The following AMBRA1 variants were observed in gnomAD, a reference collection of about 807,000 sequenced individuals.
AMBRA1 encodes the protein activating molecule in BECN1-regulated autophagy protein 1.
In AMBRA1, 47 loss-of-function variants were observed where a neutral mutation model predicts 125.4. That is an observed-to-expected ratio of 0.37 (90% CI 0.30 to 0.48). AMBRA1 has a LOEUF of 0.48. Among genes scored for constraint, AMBRA1 ranks in the 20% least tolerant of loss-of-function variants. The probability of loss-of-function intolerance (pLI) is 0.99; values close to 1 mark genes in which losing one functional copy is unlikely to be tolerated. For missense variants in AMBRA1, 1,331 were observed against 1,693.4 expected (o/e 0.79, Z 3.76); for synonymous variants, 626 against 655.5 (o/e 0.95, Z 0.69).
rs566160692 is a variant in AMBRA1, at chr11:46,485,234, G to A, written c.2521+8374C>T. On this transcript the variant is annotated intron_variant, in intron 11 of 17. Transcript: ENST00000683756. ...ATTACAGGCGTGAGCCCCTATGCCCGGCCTCAAGAAGCCCAAACTCTTAAA... is the reference window on the plus strand; with the variant it reads ...ATTACAGGCGTGAGCCCCTATGCCCAGCCTCAAGAAGCCCAAACTCTTAAA... Among the ~76,000 whole-genome samples the A allele has an allele frequency of 2.0e-5, 3 of 152,298 alleles. No individual in the cohort carries two copies. The South Asian group carries it at 6.2e-4, about 32-fold the overall frequency.
intron 1 of AMBRA1, among the ~76,000 whole-genome samples, chr11:46,569,762 CCAACATGGCTGGT>C (rs1158346290): frequency 1.3e-5 from 2 of 149,684 alleles, no homozygotes; most frequent in African/African-American, 4.9e-5. Flanking sequence ...AAATGACCAG[CCAACATGGCTGGT>C]CATGAGAGAA....
chr11:46,554,168 C>G (rs1042863606), intron 1 of AMBRA1, among the ~76,000 whole-genome samples: 1 of 152,154 alleles, frequency 6.6e-6, no homozygotes, highest in Non-Finnish European at 1.5e-5. Context: ...TCTTGAGAGT[C>G]CTTTGTCTTA....
intron 14 of AMBRA1, among the ~76,000 whole-genome samples, chr11:46,421,777 G>A (rs1245650156): frequency 6.6e-6 from 1 of 152,166 alleles, no homozygotes; most frequent in Non-Finnish European, 1.5e-5. Flanking sequence ...ACGTAGCTCT[G>A]CTAATCCCAA....
At chr11:46,564,231 A>AAG (rs1213910963) in intron 1 of AMBRA1, among the ~76,000 whole-genome samples, 1 of 150,744 alleles carries the variant, frequency 6.6e-6, no homozygotes, top group Non-Finnish European at 1.5e-5. Flanking sequence ...AAAAAAAAAA[A>AAG]AGAGAAATCC....
chr11:46,593,238 G>A (rs1243030076), intron 1 of AMBRA1, among the ~76,000 whole-genome samples: 2 of 152,170 alleles, frequency 1.3e-5, no homozygotes, highest in African/African-American at 4.8e-5. Flanking sequence ...ACTGGTAAGT[G>A]GGGGGAAGGG....
intron 12 of AMBRA1, among the ~76,000 whole-genome samples, chr11:46,439,770 A>T (rs2136735514): frequency 6.6e-6 from 1 of 152,340 alleles, no homozygotes; most frequent in Middle Eastern, 3.4e-3. Flanking sequence ...AAAATTGCTA[A>T]GGAAAAGACC....
intron 11 of AMBRA1, among the ~76,000 whole-genome samples, chr11:46,445,695 G>A (rs1330515556): frequency 6.6e-6 from 1 of 152,044 alleles, no homozygotes; most frequent in Non-Finnish European, 1.5e-5. Flanking sequence ...ATTGTTTCCT[G>A]GGCTTGCTTA....
At chr11:46,410,182 A>C in intron 16 of AMBRA1, 94 bp downstream of exon 16, 1 of 1,154,578 alleles carries the variant, frequency 8.7e-7, no homozygotes, top group Admixed American at 1.7e-5. Flanking sequence ...GGAGGGACCC[A>C]GAGCCCTAGA....
intron 17 of AMBRA1, among the ~76,000 whole-genome samples, chr11:46,399,356 G>A (rs1053936305): frequency 6.6e-6 from 1 of 152,146 alleles, no homozygotes; most frequent in Non-Finnish European, 1.5e-5. Context: ...TTATAGGCAT[G>A]AGCCACCGTG....
intron 1 of AMBRA1, among the ~76,000 whole-genome samples, chr11:46,571,561 G>C (rs949640019): frequency 6.6e-6 from 1 of 151,982 alleles, no homozygotes; most frequent in African/African-American, 2.4e-5. Context: ...TGTAGTCCCA[G>C]CTACTCAGGA....
chr11:46,454,738 G>C (rs1225579382), intron 11 of AMBRA1, among the ~76,000 whole-genome samples: 1 of 151,706 alleles, frequency 6.6e-6, no homozygotes, highest in Admixed American at 6.6e-5. Flanking sequence ...GTGACAGAGC[G>C]AGACTCCATC....
At chr11:46,461,204 T>C (rs1161208461) in intron 11 of AMBRA1, among the ~76,000 whole-genome samples, 4 of 152,136 alleles carry the variant, frequency 2.6e-5, no homozygotes, top group East Asian at 3.9e-4. Flanking sequence ...GATCCTGCTA[T>C]TGCACTCCAG....
At chr11:46,571,669 G>A (rs939063969) in intron 1 of AMBRA1, among the ~76,000 whole-genome samples, 4 of 150,350 alleles carry the variant, frequency 2.7e-5, no homozygotes, top group African/African-American at 4.9e-5. Flanking sequence ...GAATGAGTCC[G>A]TGTCTCAATC....
chr11:46,585,709 T>C (rs868212982), intron 1 of AMBRA1, among the ~76,000 whole-genome samples: 1 of 88,780 alleles, frequency 1.1e-5, no homozygotes, highest in Non-Finnish European at 2.3e-5. Context: ...TATATATATA[T>C]ATATATATAT....
chr11:46,478,594 A>T (rs1030244528), intron 11 of AMBRA1, among the ~76,000 whole-genome samples: 2 of 151,474 alleles, frequency 1.3e-5, no homozygotes, highest in African/African-American at 4.9e-5. Context: ...CATTTCTCTG[A>T]ATAACCCAAA....
chr11:46,576,876 G>C (rs762505897), intron 1 of AMBRA1, among the ~76,000 whole-genome samples: 1 of 152,186 alleles, frequency 6.6e-6, no homozygotes, highest in Non-Finnish European at 1.5e-5. Context: ...GAAGATGATA[G>C]GAAGTTAAAA....
intron 1 of AMBRA1, among the ~76,000 whole-genome samples, chr11:46,581,054 A>T (rs1565321339): frequency 6.6e-6 from 1 of 151,950 alleles, no homozygotes; most frequent in Non-Finnish European, 1.5e-5. Context: ...TCAGCCTCCC[A>T]AAGTGCTAGG....
At chr11:46,566,281 G>A (rs932403222) in intron 1 of AMBRA1, among the ~76,000 whole-genome samples, 4 of 152,094 alleles carry the variant, frequency 2.6e-5, no homozygotes, top group Non-Finnish European at 4.4e-5. Flanking sequence ...AGCTGGCCAT[G>A]GTGGCGGGCA....
At chr11:46,447,934 C>T (rs139098516) in intron 11 of AMBRA1, among the ~76,000 whole-genome samples, 1 of 152,284 alleles carries the variant, frequency 6.6e-6, no homozygotes, top group African/African-American at 2.4e-5. Context: ...ATGGCAAATA[C>T]TAAGTGTCTA....
Sources: gnomAD v4.1 joint callset for allele counts (sites outside exome capture counted in the v4.1 genomes callset) on GRCh38, gnomAD v4.1.1 for gene constraint, MANE v1.5 for transcripts, NCBI Gene and HGNC (gene_info 2026-07-23, HGNC 2026-07-21) for gene names.